Variants in OPA1 observed in about 807,000 individuals in gnomAD.
OPA1 encodes OPA1 mitochondrial dynamin like GTPase.
A neutral mutation model predicts 152.9 loss-of-function variants in OPA1; 59 were observed. The ratio of observed to expected loss-of-function variants is 0.39; its 90% CI spans 0.31 to 0.48. The LOEUF (loss-of-function observed/expected upper bound fraction) is 0.48, where lower values mean the gene tolerates loss of function less well. Among genes scored for constraint, OPA1 ranks in the 20% least tolerant of loss-of-function variants. The pLI is 0.96. For synonymous variants in OPA1, 400 were observed against 389.9 expected, an observed-to-expected ratio of 1.03 and a Z score of -0.31; for missense variants, 1,008 against 1,216.8, an observed-to-expected ratio of 0.83 and a Z score of 2.55.
chr3:193,607,152 A>G (rs1727417663), intron 1 of OPA1, among the ~76,000 whole-genome samples: 1 of 152,184 alleles, frequency 6.6e-6, no homozygotes. Flanking sequence ...AGTTCTTTGT[A>G]GATTCTGGAT....
At chr3:193,653,981 C>CA (rs1008681780) in intron 21 of OPA1, among the ~76,000 whole-genome samples, 45 of 150,400 alleles carry the variant, frequency 3.0e-4, no homozygotes, top group East Asian at 9.7e-4. Flanking sequence ...GCAAACATTT[C>CA]AAAAAAAAAT....
intron 25 of OPA1, 119 bp downstream of exon 25, chr3:193,659,680 A>G (rs1181260964): frequency 5.4e-6 from 4 of 741,300 alleles, no homozygotes; most frequent in East Asian, 5.5e-5. Context: ...AATGTTTTAT[A>G]TCATACTTTC....
At chr3:193,690,264 A>G (rs752957356) in intron 29 of OPA1, among the ~76,000 whole-genome samples, 4 of 151,058 alleles carry the variant, frequency 2.6e-5, no homozygotes, top group Non-Finnish European at 5.9e-5. Context: ...AACTATTATC[A>G]TATTTTCTCA....
Position 193,692,089 on chromosome 3 carries a change from C to A in OPA1, c.3010C>A (p.Leu1004Ile), listed in dbSNP as rs747237694. 4 of 1,551,374 alleles carry A rather than the reference C, an allele frequency of 2.6e-6. No individual in the cohort carries two copies. Among genetic ancestry groups the A allele is most frequent in the Non-Finnish European group, 3.5e-6 (4 of 1,133,924 alleles). Residue 1004 changes from leucine to isoleucine, a missense_variant, in exon 30 of 31, where the codon CTT (leucine) becomes ATT (isoleucine). Around this residue, in one of 7 missense-constraint regions of OPA1, gnomAD observed 137 missense variants for 171.0 expected, o/e 0.80. Coordinates refer to ENST00000361510, the MANE Select transcript of OPA1 (RefSeq NM_130837.3). ...LKKVREIQEKLDAFIEALHQE... is the reference protein window; with the variant it reads ...LKKVREIQEKIDAFIEALHQE... ...GAAAGTTAGAGAAATTCAAGAAAAACTTGATGCTTTCATTGAAGCTCTTCA... is the reference window on the plus strand; with the variant it reads ...GAAAGTTAGAGAAATTCAAGAAAAAATTGATGCTTTCATTGAAGCTCTTCA...
Position 193,645,808 on chromosome 3 carries a change from T to A in OPA1, c.1754+8T>A. ...GAATTCAAAGCTCCTAAAGTAGGTA[T>A]CTTGTTAAAACATTTAAACATTTTA... On this transcript the variant is annotated splice_region_variant and intron_variant, in intron 18 of 30. Coordinates refer to ENST00000361510, the MANE Select transcript of OPA1 (RefSeq NM_130837.3). 6.3e-7 allele frequency: 1 copy of A among 1,598,292 alleles called. No individual in the cohort carries two copies. Among genetic ancestry groups the A allele is most frequent in the Non-Finnish European group, 8.6e-7 (1 of 1,166,058 alleles).
intron 29 of OPA1, among the ~76,000 whole-genome samples, chr3:193,673,775 G>T (rs1435129116): frequency 6.6e-6 from 1 of 152,204 alleles, no homozygotes; most frequent in Non-Finnish European, 1.5e-5. Flanking sequence ...GAATACTTCA[G>T]AGCTGTATCT....
In OPA1 at chr3:193,644,012, C is replaced by T. The variant is rs773148365; in HGVS notation, c.1515C>T (p.Asp505=). 6.2e-6 allele frequency: 10 copies of T among 1,613,594 alleles called. No homozygotes were observed. In the African/African-American group the frequency reaches 1.1e-4, roughly 17 times the overall value. The change falls in exon 16 of 31, where the codon GAC becomes GAT. Residue 505 remains aspartate (D), a synonymous_variant. Coordinates refer to ENST00000361510, the MANE Select transcript of OPA1 (RefSeq NM_130837.3). ...SVDAERSIVT[D]LVSQMDPHGR... ...ATGCTGAACGCAGTATTGTTACAGA[C>T]TTGGTCAGTCAAATGGACCCTCATG...
intron 29 of OPA1, 118 bp downstream of exon 29, chr3:193,667,398 C>T (rs367718216): frequency 4.2e-6 from 3 of 721,392 alleles, no homozygotes; most frequent in Admixed American, 2.0e-5. Flanking sequence ...GGGCTGAGCA[C>T]GGTGGCTCAC....
chr3:193,668,437 CG>C (rs1560049558), intron 29 of OPA1: 1 of 1,550,640 alleles, frequency 6.4e-7, no homozygotes, highest in Non-Finnish European at 8.7e-7. Flanking sequence ...GGTTGCTCTT[CG>C]TCATGGAGTC....
intron 29 of OPA1, chr3:193,668,333 G>A: frequency 1.9e-6 from 3 of 1,551,094 alleles, no homozygotes; most frequent in Admixed American, 2.0e-5. Context: ...TTTTTCCCCA[G>A]CTCGGACTCA....
At position 193,625,745 on chromosome 3, in the gene OPA1, A is replaced by G. The variant is rs146558789; in HGVS notation, c.679-347A>G. Among the ~76,000 whole-genome samples, 235 of 152,122 alleles carry G rather than the reference A, an allele frequency of 1.5e-3. 2 individuals carry two copies. Among genetic ancestry groups the G allele is most frequent in the African/African-American group, 4.6e-3 (192 of 41,548 alleles). On this transcript the variant is annotated intron_variant, in intron 6 of 30. Transcript: ENST00000361510. ...CCTGAGAGAATCATGGTTGAGAATTAGAAAATTTAGACCAGTAAGATCAAC... is the reference window on the plus strand; with the variant it reads ...CCTGAGAGAATCATGGTTGAGAATTGGAAAATTTAGACCAGTAAGATCAAC...
chr3:193,623,398 G>T (rs566162637), intron 6 of OPA1, among the ~76,000 whole-genome samples: 3 of 152,074 alleles, frequency 2.0e-5, no homozygotes, highest in South Asian at 4.1e-4. Flanking sequence ...TATTTTCATT[G>T]ATATTTTGGT....
intron 29 of OPA1, among the ~76,000 whole-genome samples, chr3:193,674,415 G>A (rs1718551914): frequency 6.6e-6 from 1 of 152,198 alleles, no homozygotes; most frequent in African/African-American, 2.4e-5. Flanking sequence ...GAAAACAAAT[G>A]CATGAGTGCA....
intron 6 of OPA1, among the ~76,000 whole-genome samples, chr3:193,624,672 G>C (rs921273442): frequency 1.3e-5 from 2 of 151,778 alleles, no homozygotes; most frequent in Non-Finnish European, 2.9e-5. Flanking sequence ...TGTTGTATCT[G>C]GAAACAAATA....
chr3:193,622,768 T>G (rs1303425175), intron 6 of OPA1, among the ~76,000 whole-genome samples: 1 of 152,226 alleles, frequency 6.6e-6, no homozygotes, highest in Admixed American at 6.5e-5. Context: ...TGTTACTAAA[T>G]CTTTTTCTCA....
intron 5 of OPA1, 84 bp downstream of exon 5, chr3:193,617,921 A>G (rs1729328348): frequency 2.2e-6 from 2 of 903,424 alleles, no homozygotes; most frequent in African/African-American, 3.3e-5. Context: ...TTGCAGACCA[A>G]ATTTATAATG....
intron 23 of OPA1, 69 bp downstream of exon 23, chr3:193,657,301 A>G (rs1050578370): frequency 4.1e-6 from 6 of 1,452,000 alleles, no homozygotes; most frequent in Non-Finnish European, 3.9e-6. Context: ...ATACTTTTTC[A>G]TAGGAGACTT....
At chr3:193,667,776 A>G (rs553670052) in intron 29 of OPA1, among the ~76,000 whole-genome samples, 1 of 151,926 alleles carries the variant, frequency 6.6e-6, no homozygotes, top group East Asian at 1.9e-4. Context: ...AGGTTCATGT[A>G]TAGTTCTTAG....
chr3:193,606,584 A>G (rs565645935), intron 1 of OPA1, among the ~76,000 whole-genome samples: 42 of 152,320 alleles, frequency 2.8e-4, no homozygotes, highest in Admixed American at 1.7e-3. Flanking sequence ...TGTCCCTACA[A>G]AGGACATTAA....
Sources: allele counts gnomAD v4.1 joint callset (sites outside exome capture counted in the v4.1 genomes callset), GRCh38; gene constraint gnomAD v4.1.1; regional missense constraint gnomAD v4.1.1; transcripts MANE v1.5; gene names NCBI Gene and HGNC (gene_info 2026-07-23, HGNC 2026-07-21).